Variants in LRRC49 observed in about 807,000 individuals in gnomAD.
LRRC49 encodes leucine rich repeat containing 49.
A neutral mutation model predicts 83.3 loss-of-function variants in LRRC49; 50 were observed. The observed-to-expected ratio is 0.60, with a 90% CI of 0.48 to 0.76. The LOEUF is 0.76. LRRC49 is among the 30% of genes least tolerant of loss of function. The pLI, the probability that LRRC49 is intolerant of heterozygous loss-of-function variation, is 0.00. For synonymous variants in LRRC49, 286 were observed against 283.3 expected (o/e 1.01, Z -0.10); for missense variants, 704 against 809.1 (o/e 0.87, Z 1.58).
At chr15:70,893,813 C>T (rs1188652842) in intron 2 of LRRC49, among the ~76,000 whole-genome samples, 173 bp downstream of exon 2, 1 of 150,888 alleles carries the variant, frequency 6.6e-6, no homozygotes, top group African/African-American at 2.4e-5. Context: ...TAAAATAGCC[C>T]TCTTTAAAAA....
intron 11 of LRRC49, among the ~76,000 whole-genome samples, chr15:70,993,235 G>T (rs1311283106): frequency 6.6e-6 from 1 of 152,214 alleles, no homozygotes; most frequent in African/African-American, 2.4e-5. Context: ...TTGGAAAAGT[G>T]CTGTATTAGG....
At chr15:70,897,298 A>G (rs2033877338) in intron 3 of LRRC49, among the ~76,000 whole-genome samples, 1 of 152,202 alleles carries the variant, frequency 6.6e-6, no homozygotes, top group African/African-American at 2.4e-5. Flanking sequence ...AGAGATGAAT[A>G]AAGTTTTATA....
chr15:70,878,490 T>C (rs1490893554), intron 2 of LRRC49, among the ~76,000 whole-genome samples: 2 of 150,936 alleles, frequency 1.3e-5, no homozygotes, highest in Non-Finnish European at 3.0e-5. Flanking sequence ...TTCAGTATGA[T>C]GTTGAATAAA....
chr15:70,891,925 C>T (rs780149291), upstream of LRRC49: 2 of 1,613,830 alleles, frequency 1.2e-6, no homozygotes, highest in East Asian at 2.2e-5. Flanking sequence ...GCCTGGCTGC[C>T]TGGAGCTCTC....
intron 1 of LRRC49, among the ~76,000 whole-genome samples, chr15:70,868,612 A>G (rs1358625174): frequency 1.3e-5 from 2 of 152,226 alleles, no homozygotes; most frequent in Non-Finnish European, 2.9e-5. Flanking sequence ...CAGTAGGTCT[A>G]GGGTAGAGCC....
chr15:70,859,979 C>A, intron 1 of LRRC49: 1 of 758,970 alleles, frequency 1.3e-6, no homozygotes, highest in Non-Finnish European at 2.4e-6. Flanking sequence ...TGCAGGTGGT[C>A]TGAGCTCCAC....
At chr15:70,893,344 AC>A (rs2033671681) in intron 1 of LRRC49, 2 of 576,642 alleles carry the variant, frequency 3.5e-6, no homozygotes, top group African/African-American at 1.9e-5. Flanking sequence ...AGCCTGAGGT[AC>A]TAACTAGAGG....
At chr15:71,038,819 C>T (rs942864973) in intron 15 of LRRC49, among the ~76,000 whole-genome samples, 12 of 152,138 alleles carry the variant, frequency 7.9e-5, no homozygotes, top group South Asian at 6.2e-4. Flanking sequence ...AAGTCAACTA[C>T]CTTTTTCATC....
rs559331935 is a variant in LRRC49 at position 71,049,195 on chromosome 15, G to A, written c.1858-214G>A. ...GCAGAGCTGTCCAACAGAGGTAGGAGTAGACTGAGAAGTACTGAGACCCTT... is the reference window on the plus strand; with the variant it reads ...GCAGAGCTGTCCAACAGAGGTAGGAATAGACTGAGAAGTACTGAGACCCTT... On this transcript the variant is annotated intron_variant, in intron 15 of 15. Coordinates refer to ENST00000260382, the MANE Select transcript of LRRC49 (RefSeq NM_017691.5). 1.3e-4 allele frequency among the ~76,000 whole-genome samples: 20 copies of A among 152,246 alleles called. 1 individual carries two copies. The South Asian group carries it at 3.7e-3, about 28-fold the overall frequency.
Position 70,982,842 on chromosome 15 carries a change from A to G in LRRC49, c.1006-1252A>G, listed in dbSNP as rs138474580. Among the ~76,000 whole-genome samples the G allele has an allele frequency of 4.6e-5, 7 of 152,362 alleles. No individual in the cohort carries two copies. The East Asian group carries it at 1.2e-3, about 25-fold the overall frequency. On this transcript the variant is annotated intron_variant, in intron 10 of 15. Transcript: ENST00000260382. ...AACTTTAGTTTTAATTAAGCAAGCCATATCACTTTTTATTCCTATCTAATG... is the reference window on the plus strand; with the variant it reads ...AACTTTAGTTTTAATTAAGCAAGCCGTATCACTTTTTATTCCTATCTAATG...
intron 8 of LRRC49, among the ~76,000 whole-genome samples, chr15:70,948,777 G>C (rs1820307020): frequency 6.6e-6 from 1 of 152,052 alleles, no homozygotes; most frequent in Non-Finnish European, 1.5e-5. Flanking sequence ...TTGAGTGCAA[G>C]GTGTGCTTAT....
chr15:70,972,900 G>T (rs531629054), intron 9 of LRRC49, among the ~76,000 whole-genome samples: 1 of 151,872 alleles, frequency 6.6e-6, no homozygotes, highest in East Asian at 1.9e-4. Context: ...CTTTTTTCAG[G>T]GTTCTTAGCT....
Position 71,008,485 on chromosome 15 carries a change from C to T in LRRC49, c.1276C>T (p.Leu426=), listed in dbSNP as rs761539953. 6.8e-6 allele frequency: 11 copies of T among 1,612,860 alleles called. No homozygotes were observed. Among genetic ancestry groups the T allele is most frequent in the Non-Finnish European group, 9.3e-6 (11 of 1,179,186 alleles). ...ACTTTCCCTATATGGCTCAGGAGCA[C>T]TGGAATCTCTGGATAGGAATTGGAG... The part of the protein sequence containing the change: ...DTLSLYGSGA[L]ESLDRNWSVQ... Residue 426 remains leucine (L), a synonymous_variant, in exon 12 of 16, where the codon CTG becomes TTG. Transcript: ENST00000260382.
intron 11 of LRRC49, among the ~76,000 whole-genome samples, chr15:70,993,566 T>G (rs2037971507): frequency 6.6e-6 from 1 of 152,202 alleles, no homozygotes; most frequent in African/African-American, 2.4e-5. Flanking sequence ...AAGTGACAAT[T>G]TATGTAACTA....
intron 4 of LRRC49, among the ~76,000 whole-genome samples, chr15:70,902,957 C>T (rs921020946): frequency 6.6e-6 from 1 of 152,022 alleles, no homozygotes; most frequent in African/African-American, 2.4e-5. Context: ...TACAAGTGAG[C>T]CTTGGCACTG....
Position 71,016,630 on chromosome 15 carries a change from A to G in LRRC49, c.1703+3717A>G, listed in dbSNP as rs547247495. ...TTCAACTATTACACTTTTGGAATTA[A>G]TTGGAATATATAACAATGAGGCCAG... On this transcript the variant is annotated intron_variant, in intron 14 of 15. Transcript: ENST00000260382. 1.1e-3 allele frequency among the ~76,000 whole-genome samples: 160 copies of G among 152,198 alleles called. 1 individual carries two copies. Among genetic ancestry groups the G allele is most frequent in the African/African-American group, 3.8e-3 (156 of 41,540 alleles).
At chr15:70,951,375 G>GATTCTTCT (rs1225585790) in intron 8 of LRRC49, among the ~76,000 whole-genome samples, 22 of 152,130 alleles carry the variant, frequency 1.4e-4, no homozygotes, top group African/African-American at 5.1e-4. Flanking sequence ...TATCAATGTT[G>GATTCTTCT]ATTCTTCTTA....
intron 11 of LRRC49, among the ~76,000 whole-genome samples, chr15:71,003,115 T>G (rs899286562): frequency 1.8e-4 from 27 of 151,872 alleles, no homozygotes; most frequent in Non-Finnish European, 1.3e-4. Context: ...TTTTGTATTT[T>G]TAGTAGAGAT....
chr15:71,049,902 C>G lies in LRRC49; in HGVS notation c.*290C>G, dbSNP rs986028678. On this transcript the variant is annotated 3_prime_UTR_variant, in exon 16 of 16. Transcript: ENST00000260382. ...CTTGGTTCTTGCTTTGATTGGTGCC[C>G]TGCTATAGCCCAAAGCACGTAGTAT... 24 of 275,696 alleles carry G rather than the reference C, an allele frequency of 8.7e-5. No homozygotes were observed. The highest frequency in any genetic ancestry group is 2.5e-4 in the Admixed American group (5 of 20,044). The allele number at this position is 275,696 out of a possible 1,614,324, so 17.1% of individuals were successfully genotyped here.
Sources: gnomAD v4.1 joint callset for allele counts (sites outside exome capture counted in the v4.1 genomes callset) on GRCh38, gnomAD v4.1.1 for gene constraint, MANE v1.5 for transcripts, NCBI Gene and HGNC (gene_info 2026-07-23, HGNC 2026-07-21) for gene names.